The following PRKAG2 variants were observed in gnomAD, a reference collection of about 807,000 sequenced individuals.
PRKAG2 encodes 5'-AMP-activated protein kinase subunit gamma-2.
In PRKAG2, 26 loss-of-function variants were observed where a neutral mutation model predicts 69.6. The ratio of observed to expected loss-of-function variants is 0.37; its 90% CI spans 0.27 to 0.52. The LOEUF (loss-of-function observed/expected upper bound fraction) is 0.52. PRKAG2 is among the 20% of genes least tolerant of loss of function. The probability of loss-of-function intolerance (pLI) is 0.90; values close to 1 mark genes in which losing one functional copy is unlikely to be tolerated. For synonymous variants in PRKAG2, 293 were observed against 285.0 expected (o/e 1.03, Z -0.28); for missense variants, 557 against 740.0 (o/e 0.75, Z 2.87).
chr7:151,637,682 A>C (rs1445177229), intron 4 of PRKAG2, among the ~76,000 whole-genome samples: 1 of 151,414 alleles, frequency 6.6e-6, no homozygotes, highest in African/African-American at 2.4e-5. Flanking sequence ...GAGGCTACTC[A>C]TGGAACAACA....
At chr7:151,727,294 G>A (rs1345983759) in intron 3 of PRKAG2, among the ~76,000 whole-genome samples, 2 of 152,194 alleles carry the variant, frequency 1.3e-5, no homozygotes, top group Non-Finnish European at 2.9e-5. Context: ...AGACCTGCCT[G>A]TGGGGGACTG....
chr7:151,576,861 G>A (rs142501223), intron 6 of PRKAG2, among the ~76,000 whole-genome samples: 10 of 152,220 alleles, frequency 6.6e-5, no homozygotes, highest in South Asian at 2.1e-4. Context: ...AATAAGTTTC[G>A]TAAGTTTGAT....
At chr7:151,749,247 G>C (rs1269482370) in intron 3 of PRKAG2, among the ~76,000 whole-genome samples, 1 of 152,208 alleles carries the variant, frequency 6.6e-6, no homozygotes, top group Admixed American at 6.5e-5. Context: ...TAGACCCTGA[G>C]TCAGCCTTTC....
At chr7:151,618,992 A>AG (rs1441566189) in intron 5 of PRKAG2, among the ~76,000 whole-genome samples, 4 of 152,120 alleles carry the variant, frequency 2.6e-5, no homozygotes, top group African/African-American at 9.7e-5. Context: ...CTTCTAAATA[A>AG]GGGGGCAGTA....
At chr7:151,808,573 A>C in intron 1 of PRKAG2, among the ~76,000 whole-genome samples, 1 of 147,814 alleles carries the variant, frequency 6.8e-6, no homozygotes, top group Non-Finnish European at 1.5e-5. Flanking sequence ...CTGTAACAAG[A>C]GAGTCTAGTG....
rs113260584 is a variant in PRKAG2, at chr7:151,571,062, T to A, written c.1052-837A>T. ...CTGGGATTACAGGCATGAGGTCCTG[T>A]GCCCAGCCTAATTTTTTTTTTTTTT... On this transcript the variant is annotated intron_variant, in intron 9 of 15. Transcript: ENST00000287878. Among the ~76,000 whole-genome samples, 585 of 143,418 alleles carry A rather than the reference T, an allele frequency of 4.1e-3. 5 individuals carry two copies. Among genetic ancestry groups the A allele is most frequent in the Middle Eastern group, 0.02 (5 of 248 alleles). The allele number at this position is 143,418 out of a possible 152,430, so 94.1% of individuals were successfully genotyped here. A position where few individuals can be genotyped will look rare whatever the true frequency, so the allele number is the denominator to read the frequency against.
chr7:151,697,305 C>T (rs1836841780), intron 3 of PRKAG2, among the ~76,000 whole-genome samples: 1 of 152,132 alleles, frequency 6.6e-6, no homozygotes, highest in Admixed American at 6.5e-5. Context: ...AGTGGTGGAC[C>T]TGTGTCCGAG....
intron 4 of PRKAG2, among the ~76,000 whole-genome samples, chr7:151,666,868 C>T (rs1334586610): frequency 6.6e-6 from 1 of 152,048 alleles, no homozygotes; most frequent in Admixed American, 6.6e-5. Context: ...GATTTTGGTA[C>T]CATAAATTTA....
chr7:151,809,212 G>C (rs1325101044), intron 1 of PRKAG2: 1 of 456,626 alleles, frequency 2.2e-6, no homozygotes, highest in South Asian at 1.5e-5. Flanking sequence ...GGGGTGAGTG[G>C]GCTTCTGGAA....
At chr7:151,616,225 G>A (rs113029654) in intron 5 of PRKAG2, among the ~76,000 whole-genome samples, 30 of 152,334 alleles carry the variant, frequency 2.0e-4, no homozygotes, top group African/African-American at 7.2e-4. Flanking sequence ...ACCAGAGAGA[G>A]GCTCTGCTTG....
intron 3 of PRKAG2, among the ~76,000 whole-genome samples, chr7:151,688,462 G>A (rs944883307): frequency 2.6e-5 from 4 of 152,174 alleles, no homozygotes; most frequent in African/African-American, 7.2e-5. Context: ...AATTTACCCC[G>A]ATGAGATGCG....
chr7:151,849,482 C>T (rs779018595), intron 1 of PRKAG2, among the ~76,000 whole-genome samples: 3 of 152,202 alleles, frequency 2.0e-5, no homozygotes, highest in Non-Finnish European at 2.9e-5. Flanking sequence ...CAAGAAACAC[C>T]AAGTCCTGCT....
At chr7:151,573,882 G>C (rs376955822) in intron 8 of PRKAG2, among the ~76,000 whole-genome samples, 2 of 152,120 alleles carry the variant, frequency 1.3e-5, no homozygotes, top group African/African-American at 2.4e-5. Context: ...GGGTTCAAGC[G>C]ATTCTTGTGC....
At chr7:151,765,218 G>C (rs2075668843) in intron 3 of PRKAG2, among the ~76,000 whole-genome samples, 1 of 152,190 alleles carries the variant, frequency 6.6e-6, no homozygotes, top group East Asian at 1.9e-4. Flanking sequence ...TGGCTGGGGA[G>C]GCCTCAGGAA....
chr7:151,821,053 G>GTAGAAGAGAGCCT (rs1216334379), intron 1 of PRKAG2, among the ~76,000 whole-genome samples: 1 of 151,934 alleles, frequency 6.6e-6, no homozygotes, highest in African/African-American at 2.4e-5. Context: ...CAGAAGGAAA[G>GTAGAAGAGAGCCT]CTGTGGAGAC....
intron 1 of PRKAG2, among the ~76,000 whole-genome samples, chr7:151,791,158 C>T (rs1318361024): frequency 1.3e-5 from 2 of 152,196 alleles, no homozygotes; most frequent in Non-Finnish European, 2.9e-5. Context: ...ACCCCCAATC[C>T]CACCTCCCAG....
At chr7:151,600,052 G>A (rs953050008) in intron 5 of PRKAG2, among the ~76,000 whole-genome samples, 1 of 152,150 alleles carries the variant, frequency 6.6e-6, no homozygotes, top group Non-Finnish European at 1.5e-5. Flanking sequence ...CTTGGCTCAA[G>A]GATATGACTG....
intron 5 of PRKAG2, among the ~76,000 whole-genome samples, chr7:151,606,769 G>C (rs1029264670): frequency 6.6e-6 from 1 of 152,016 alleles, no homozygotes; most frequent in Non-Finnish European, 1.5e-5. Flanking sequence ...GCAGTGAGCC[G>C]AGATCCTACC....
intron 3 of PRKAG2, among the ~76,000 whole-genome samples, chr7:151,718,400 T>G (rs1015939133): frequency 9.2e-5 from 14 of 151,980 alleles, no homozygotes; most frequent in African/African-American, 3.4e-4. Flanking sequence ...ATAAGCCACA[T>G]CGAGGGTCAG....
Sources: allele counts gnomAD v4.1 joint callset (sites outside exome capture counted in the v4.1 genomes callset), GRCh38; gene constraint gnomAD v4.1.1; transcripts MANE v1.5; gene names NCBI Gene and HGNC (gene_info 2026-07-23, HGNC 2026-07-21).